Variants in SASS6 observed in about 807,000 individuals in gnomAD.
The protein encoded by SASS6 is spindle assembly abnormal protein 6 homolog.
In SASS6, 59 loss-of-function variants were observed where a neutral mutation model predicts 94.9. The observed-to-expected ratio is 0.62, with a 90% confidence interval of 0.50 to 0.77. The LOEUF is 0.77. Ranked by LOEUF, SASS6 falls within the 30% of genes least tolerant of loss-of-function variation. The pLI is 0.00. For missense variants in SASS6, 698 were observed against 734.1 expected (o/e 0.95, Z 0.57); for synonymous variants, 264 against 270.0 (o/e 0.98, Z 0.22).
At chr1:100,122,357 T>C (rs1000689077) in intron 4 of SASS6, 23 bp downstream of exon 4, 5 of 980,324 alleles carry the variant, frequency 5.1e-6, no homozygotes, top group Middle Eastern at 2.1e-4. Context: ...AATTTAATAA[T>C]GTAGCATTCT....
At chr1:100,088,315 GA>G (rs1651450443) in intron 14 of SASS6, 79 bp from the exon 15 acceptor site, 6 of 732,582 alleles carry the variant, frequency 8.2e-6, no homozygotes, top group Non-Finnish European at 1.2e-5. Flanking sequence ...ATTTTAAACA[GA>G]GCCTTGCTCT....
intron 14 of SASS6, among the ~76,000 whole-genome samples, chr1:100,098,607 G>C (rs2101650929): frequency 6.7e-6 from 1 of 149,300 alleles, no homozygotes; most frequent in East Asian, 2.0e-4. Flanking sequence ...AAATCTATTA[G>C]TACCAGGCCA....
chr1:100,122,481 T>C lies in SASS6; in HGVS notation c.210A>G (p.Leu70=), dbSNP rs969413477. ...LVISEEDFQS[L]KFQQGLLVDF... ...CTACCAGAAGACCTTGCTGGAATTT[T>C]AAACTATACAGAAGAAAGGAAAAGA... Residue 70 remains leucine (L), a synonymous_variant, in exon 4 of 17, where the codon TTA becomes TTG. Transcript: ENST00000287482. 1.4e-5 allele frequency: 19 copies of C among 1,406,274 alleles called. No individual in the cohort carries two copies. Among genetic ancestry groups the C allele is most frequent in the Non-Finnish European group, 1.9e-5 (19 of 998,512 alleles). The allele number at this position is 1,406,274 out of a possible 1,614,324, so 87.1% of individuals were successfully genotyped here. A position where few individuals can be genotyped will look rare whatever the true frequency, so the allele number is the denominator to read the frequency against.
chr1:100,110,406 C>T lies in SASS6; in HGVS notation c.747G>A (p.Gln249=), dbSNP rs878963519. 3.1e-6 allele frequency: 5 copies of T among 1,610,760 alleles called. No individual in the cohort carries two copies. The South Asian group carries it at 5.5e-5, about 18-fold the overall frequency. ...LEILHQQNIH[Q]LQNRLSELEA... ...CTAACTCAGACAGTCTGTTTTGTAG[C>T]TGGTGGATGTTTTGTTGATGGAGGA... Residue 249 remains glutamine, a synonymous_variant, in exon 8 of 17, where the codon CAG becomes CAA. Coordinates refer to ENST00000287482, the MANE Select transcript of SASS6 (RefSeq NM_194292.3).
chr1:100,089,744 A>G (rs1651549906), intron 14 of SASS6, among the ~76,000 whole-genome samples: 1 of 152,138 alleles, frequency 6.6e-6, no homozygotes, highest in Non-Finnish European at 1.5e-5. Context: ...AACCTGTACT[A>G]TAAGAGATCT....
In SASS6 at chr1:100,095,506, C is replaced by A. The variant is rs139710834; in HGVS notation, c.1675-7270G>T. On this transcript the variant is annotated intron_variant, in intron 14 of 16. Transcript: ENST00000287482. ...CAAGAATGTGCCACTGCACTCCAGG[C>A]TAGGTGACACTAAGACTCTGTCTCA... Among the ~76,000 whole-genome samples the A allele has an allele frequency of 8.3e-3, 1,271 of 152,276 alleles. 11 individuals carry two copies. Among genetic ancestry groups the A allele is most frequent in the Non-Finnish European group, 0.013 (902 of 68,028 alleles).
chr1:100,132,152 C>T (rs1655095750), intron 1 of SASS6, among the ~76,000 whole-genome samples: 1 of 152,084 alleles, frequency 6.6e-6, no homozygotes, highest in African/African-American at 2.4e-5. Context: ...TTCCCAGTGC[C>T]CAGTAAGGTG....
At chr1:100,114,431 C>A (rs1326357580) in intron 7 of SASS6, among the ~76,000 whole-genome samples, 3 of 151,772 alleles carry the variant, frequency 2.0e-5, no homozygotes, top group Non-Finnish European at 4.4e-5. Flanking sequence ...TGCCTGTAAT[C>A]CCAGCACTTC....
chr1:100,102,297 A>G (rs912334207), intron 14 of SASS6, among the ~76,000 whole-genome samples: 1 of 152,136 alleles, frequency 6.6e-6, no homozygotes, highest in African/African-American at 2.4e-5. Context: ...TGGACTCCAA[A>G]TCATAGCTCA....
intron 14 of SASS6, chr1:100,099,231 A>G (rs688818): frequency 0.22 from 33,491 of 153,066 alleles, 5,143 homozygotes; most frequent in African/African-American, 0.44. Flanking sequence ...GCCTTGGGGC[A>G]CCTCCAGTCA....
At chr1:100,110,625 A>T in intron 7 of SASS6, 142 bp from the exon 8 acceptor site, 1 of 482,158 alleles carries the variant, frequency 2.1e-6, no homozygotes. Flanking sequence ...CTTTCTTTAG[A>T]TCCCCATTCT....
chr1:100,115,702 C>A (rs968506114), intron 7 of SASS6, among the ~76,000 whole-genome samples: 1 of 152,106 alleles, frequency 6.6e-6, no homozygotes, highest in Non-Finnish European at 1.5e-5. Flanking sequence ...GTGACACATG[C>A]CTGCAGTCCC....
At position 100,084,463 on chromosome 1, in the gene SASS6, T is replaced by C. The variant is rs1644272505; in HGVS notation, c.*865A>G. Reference sequence around the variant, plus strand: ...AGAAAATTGTACCTTCTAACAGTTATTTGTTTTGCCTAGTTTATTAACATT... The same window carrying C: ...AGAAAATTGTACCTTCTAACAGTTACTTGTTTTGCCTAGTTTATTAACATT... On this transcript the variant is annotated 3_prime_UTR_variant, in exon 17 of 17. Transcript: ENST00000287482. 1 of 152,102 alleles carries C rather than the reference T, an allele frequency of 6.6e-6. No individual in the cohort carries two copies. The highest frequency in any genetic ancestry group is 2.4e-5 in the African/African-American group (1 of 41,448). The allele number at this position is 152,102 out of a possible 1,614,324, so 9.4% of individuals were successfully genotyped here. A position where few individuals can be genotyped will look rare whatever the true frequency, so the allele number is the denominator to read the frequency against.
At chr1:100,101,370 G>A (rs570634661) in intron 14 of SASS6, among the ~76,000 whole-genome samples, 104 of 150,460 alleles carry the variant, frequency 6.9e-4, no homozygotes, top group Non-Finnish European at 1.3e-3. Flanking sequence ...ATAATTAAAA[G>A]AATATGGAGA....
intron 2 of SASS6, among the ~76,000 whole-genome samples, chr1:100,124,420 G>A (rs527654369): frequency 1.1e-4 from 16 of 152,192 alleles, no homozygotes; most frequent in South Asian, 1.0e-3. Flanking sequence ...TCGCTCTGTC[G>A]CCCAGTCTAG....
chr1:100,109,153 A>G (rs879045149), intron 8 of SASS6, among the ~76,000 whole-genome samples: 3 of 152,110 alleles, frequency 2.0e-5, no homozygotes, highest in Admixed American at 2.0e-4. Context: ...TAGACTACCA[A>G]TGTACCATGA....
In SASS6 at chr1:100,132,856, G is replaced by A. The variant is rs750160186; in HGVS notation, c.-42C>T. 2.5e-6 allele frequency: 4 copies of A among 1,578,916 alleles called. No homozygotes were observed. Among genetic ancestry groups the A allele is most frequent in the South Asian group, 2.2e-5 (2 of 90,332 alleles). On this transcript the variant is annotated 5_prime_UTR_variant, in exon 1 of 17. Coordinates refer to ENST00000287482, the MANE Select transcript of SASS6 (RefSeq NM_194292.3). ...GGCTGGTGTGCAGAAAAGCCCAACA[G>A]GCCCGGCCCTCGGGATTAGCCTGAG... is the stretch of plus-strand genomic sequence containing the variant.
intron 14 of SASS6, among the ~76,000 whole-genome samples, chr1:100,092,725 A>T (rs1403560037): frequency 1.3e-5 from 2 of 151,980 alleles, no homozygotes; most frequent in Non-Finnish European, 2.9e-5. Flanking sequence ...ACAGGCGCCC[A>T]CCACCATGCC....
intron 14 of SASS6, among the ~76,000 whole-genome samples, chr1:100,094,005 T>C (rs1651942528): frequency 6.6e-6 from 1 of 151,994 alleles, no homozygotes; most frequent in Non-Finnish European, 1.5e-5. Context: ...AATCAGTAAA[T>C]TGAAAAACCA....
Sources: allele counts gnomAD v4.1 joint callset (sites outside exome capture counted in the v4.1 genomes callset), GRCh38; gene constraint gnomAD v4.1.1; transcripts MANE v1.5; gene names NCBI Gene and HGNC (gene_info 2026-07-23, HGNC 2026-07-21).